The following AMY2B variants were observed in gnomAD, a reference collection of about 807,000 sequenced individuals.
AMY2B encodes amylase alpha 2B.
In AMY2B, 63 loss-of-function variants were observed where a neutral mutation model predicts 59.3. The ratio of observed to expected loss-of-function variants is 1.06; its 90% CI spans 0.87 to 1.31. The LOEUF is 1.31. Among genes scored for constraint, AMY2B ranks in the 50% most tolerant of loss-of-function variants. The pLI is 0.00. For synonymous variants in AMY2B, 180 were observed against 198.1 expected, an observed-to-expected ratio of 0.91 and a Z score of 0.77; for missense variants, 635 against 626.7, an observed-to-expected ratio of 1.01 and a Z score of -0.14.
At position 103,575,209 on chromosome 1, in the gene AMY2B, T is replaced by A; in HGVS notation, c.879-14T>A. Reference sequence around the variant, plus strand: ...AAATGATACATCAACATATATCTTATTTTTCAAAAATAGGAACTGGGGAGA... The same window carrying A: ...AAATGATACATCAACATATATCTTAATTTTCAAAAATAGGAACTGGGGAGA... On this transcript the variant is annotated splice_polypyrimidine_tract_variant and intron_variant, in intron 5 of 9. Coordinates refer to ENST00000684275, the MANE Select transcript of AMY2B (RefSeq NM_001387437.1). The A allele has an allele frequency of 6.2e-7, 1 of 1,613,224 alleles. No homozygotes were observed. The highest frequency in any genetic ancestry group is 8.5e-7 in the Non-Finnish European group (1 of 1,179,452).
intron 5 of AMY2B, 61 bp downstream of exon 5, chr1:103,574,454 G>T: frequency 6.2e-7 from 1 of 1,605,518 alleles, no homozygotes; most frequent in Non-Finnish European, 8.5e-7. Context: ...TAGTACCCCA[G>T]TGTGAGTTAT....
chr1:103,575,606 A>T, intron 7 of AMY2B, 66 bp downstream of exon 7: 1 of 1,590,766 alleles, frequency 6.3e-7, no homozygotes, highest in Non-Finnish European at 8.6e-7. Flanking sequence ...GTTCTAACTT[A>T]ATATGACAAC....
Position 103,575,300 on chromosome 1 carries a change from G to T in AMY2B, c.956G>T (p.Gly319Val). 6.2e-7 allele frequency: 1 copy of T among 1,613,634 alleles called. No individual in the cohort carries two copies. Among genetic ancestry groups the T allele is most frequent in the Non-Finnish European group, 8.5e-7 (1 of 1,179,702 alleles). Residue 319 changes from glycine (G) to valine (V), a missense_variant, in exon 6 of 10, where the codon GGA becomes GTA. Transcript: ENST00000684275. ...VFVDNHDNQR[G>V]HGAGGASILT... The stretch of plus-strand genomic sequence containing the variant: ...GTGGATAACCATGACAATCAACGAG[G>T]ACATGGGGCTGGAGGAGCCTCTATT...
chr1:103,579,255 G>T, intron 9 of AMY2B, 56 bp from the exon 10 acceptor site: 1 of 1,611,224 alleles, frequency 6.2e-7, no homozygotes, highest in Non-Finnish European at 8.5e-7. Context: ...AGTTGTGTTA[G>T]CCTGTATTCT....
Position 103,572,158 on chromosome 1 carries a change from T to A in AMY2B, c.217T>A (p.Trp73Arg). ...NVAIHNPFRP[W>R]WERYQPVSYK... ...TGCAATTCACAACCCTTTCAGACCT[T>A]GGTGGGAAAGATACCAACCAGTTAG... Residue 73 changes from tryptophan (W) to arginine (R), a missense_variant, in exon 2 of 10, where the codon TGG becomes AGG. Physicochemically the swap from Trp to Arg is moderately radical, Grantham distance 101. Coordinates refer to ENST00000684275, the MANE Select transcript of AMY2B (RefSeq NM_001387437.1). 6.2e-7 allele frequency: 1 copy of A among 1,611,702 alleles called. No individual in the cohort carries two copies. The highest frequency in any genetic ancestry group is 1.1e-5 in the South Asian group (1 of 90,976).
chr1:103,565,837 G>A (rs1651891380), intron 2 of AMY2B, among the ~76,000 whole-genome samples: 1 of 152,096 alleles, frequency 6.6e-6, no homozygotes, highest in African/African-American at 2.4e-5. Context: ...TCTTACTGCT[G>A]TAATCCTAAT....
chr1:103,564,848 A>G (rs1570639166), intron 1 of AMY2B, among the ~76,000 whole-genome samples: 1 of 152,168 alleles, frequency 6.6e-6, no homozygotes, highest in Middle Eastern at 3.4e-3. Context: ...GGTACCTCTA[A>G]TTCAATATGT....
At chr1:103,576,414 C>G (rs1652355311) in intron 7 of AMY2B, among the ~76,000 whole-genome samples, 1 of 152,128 alleles carries the variant, frequency 6.6e-6, no homozygotes, top group Non-Finnish European at 1.5e-5. Context: ...ACTAATTGGT[C>G]TTATTTCTGA....
chr1:103,556,025 T>G (rs1290933321), intron 1 of AMY2B, among the ~76,000 whole-genome samples: 1 of 152,128 alleles, frequency 6.6e-6, no homozygotes, highest in Admixed American at 6.5e-5. Flanking sequence ...GTTCTAGATG[T>G]CGGTAGTTCA....
At chr1:103,560,689 G>A (rs1651704723) in intron 1 of AMY2B, among the ~76,000 whole-genome samples, 1 of 152,008 alleles carries the variant, frequency 6.6e-6, no homozygotes, top group Non-Finnish European at 1.5e-5. Flanking sequence ...TTTTATTCCA[G>A]TTTGCAGTTG....
At chr1:103,570,374 C>T, upstream of AMY2B, 4 of 811,726 alleles carry the variant, frequency 4.9e-6, no homozygotes, top group South Asian at 1.3e-5. Context: ...TGGCATCCAC[C>T]CAGACCATCT....
intron 1 of AMY2B, 88 bp from the exon 2 acceptor site, chr1:103,572,022 A>C: frequency 6.3e-7 from 1 of 1,589,600 alleles, no homozygotes; most frequent in South Asian, 1.2e-5. Flanking sequence ...CCAAGATTCA[A>C]GAATTTTTTA....
At chr1:103,564,138 T>G (rs964617666) in intron 1 of AMY2B, among the ~76,000 whole-genome samples, 5 of 152,212 alleles carry the variant, frequency 3.3e-5, no homozygotes, top group African/African-American at 1.2e-4. Context: ...ACAGCTTTAT[T>G]TGCATTATTC....
At chr1:103,577,868 T>C in intron 9 of AMY2B, 23 bp downstream of exon 9, 2 of 1,598,112 alleles carry the variant, frequency 1.3e-6, no homozygotes, top group Middle Eastern at 2.3e-4. Flanking sequence ...CAATTAAAAA[T>C]AATATTTTGT....
chr1:103,557,383 G>A (rs1222175205), intron 1 of AMY2B, among the ~76,000 whole-genome samples: 1 of 152,122 alleles, frequency 6.6e-6, no homozygotes, highest in African/African-American at 2.4e-5. Context: ...AGGTGCAGTG[G>A]CTCACGGCTG....
At chr1:103,570,520 TGAA>T (rs1652084595), upstream of AMY2B, 2 of 624,942 alleles carry the variant, frequency 3.2e-6, no homozygotes, top group Admixed American at 1.8e-5. Context: ...CCTAGCACCA[TGAA>T]GATCAAGATG....
chr1:103,561,337 G>A (rs1332260594), intron 1 of AMY2B, among the ~76,000 whole-genome samples: 2 of 151,872 alleles, frequency 1.3e-5, no homozygotes, highest in Non-Finnish European at 2.9e-5. Context: ...GCGCAGTCTC[G>A]GCTCACTGCA....
chr1:103,560,168 G>T (rs1200742325), intron 1 of AMY2B, among the ~76,000 whole-genome samples: 4 of 152,066 alleles, frequency 2.6e-5, no homozygotes, highest in Non-Finnish European at 4.4e-5. Flanking sequence ...GTTGAAATCT[G>T]CCTGCTCTTA....
At chr1:103,579,178 G>T (rs553051380) in intron 9 of AMY2B, 133 bp from the exon 10 acceptor site, 77 of 1,544,888 alleles carry the variant, frequency 5.0e-5, no homozygotes, top group Non-Finnish European at 6.5e-5. Flanking sequence ...TACTAGGGAG[G>T]CATATGGGTT....
Sources: gnomAD v4.1 joint callset for allele counts (sites outside exome capture counted in the v4.1 genomes callset) on GRCh38, gnomAD v4.1.1 for gene constraint, MANE v1.5 for transcripts, NCBI Gene and HGNC (gene_info 2026-07-23, HGNC 2026-07-21) for gene names.